Variants in PTPRD observed in about 807,000 individuals in gnomAD.
The protein encoded by PTPRD is receptor-type tyrosine-protein phosphatase delta.
PTPRD carries 34 observed loss-of-function variants against 214.5 expected under a neutral mutation model. That is an observed-to-expected ratio of 0.16 (90% CI 0.12 to 0.21). PTPRD has a LOEUF of 0.21. Ranked by LOEUF, PTPRD falls within the 10% of genes least tolerant of loss-of-function variation. The pLI, the probability that PTPRD is intolerant of heterozygous loss-of-function variation, is 1.00. For missense variants in PTPRD, 2,545 were observed against 2,398.7 expected (o/e 1.06, Z -1.27); for synonymous variants, 1,128 against 845.7 (o/e 1.33, Z -5.79).
intron 2 of PTPRD, among the ~76,000 whole-genome samples, chr9:10,556,032 G>A (rs1475533460): frequency 2.6e-5 from 4 of 152,060 alleles, no homozygotes; most frequent in African/African-American, 7.2e-5. Flanking sequence ...ACAAATTTCA[G>A]TAACAAAATA....
intron 11 of PTPRD, among the ~76,000 whole-genome samples, chr9:8,973,897 C>A (rs10816026): frequency 7.2e-5 from 11 of 151,726 alleles, no homozygotes; most frequent in African/African-American, 2.7e-4. Flanking sequence ...CTTTTGCCCA[C>A]TTTTAATAGG....
At chr9:9,973,469 C>A (rs151212371) in intron 4 of PTPRD, among the ~76,000 whole-genome samples, 4 of 150,828 alleles carry the variant, frequency 2.7e-5, no homozygotes, top group African/African-American at 7.3e-5. Context: ...GAGACCTTGT[C>A]TCAAAAAAAA....
Position 10,503,147 on chromosome 9 carries a change from T to C in PTPRD, c.-600+109251A>G, listed in dbSNP as rs191287619. Among the ~76,000 whole-genome samples the C allele has an allele frequency of 1.3e-4, 17 of 126,618 alleles. No individual in the cohort carries two copies. In the Admixed American group the frequency reaches 1.6e-3, roughly 12 times the overall value. 83.1% of individuals were successfully genotyped at this position (126,618 alleles called of 152,430 possible). A position where few individuals can be genotyped will look rare whatever the true frequency, so the allele number is the denominator to read the frequency against. ...ATTTACAGAATTAAAAGAATGGTTA[T>C]CTGGAGAGTGAACAGTGAAGAATTC... On this transcript the variant is annotated intron_variant, in intron 2 of 45. Transcript: ENST00000381196.
At chr9:9,115,460 A>C (rs1205966268) in intron 10 of PTPRD, among the ~76,000 whole-genome samples, 2 of 152,184 alleles carry the variant, frequency 1.3e-5, no homozygotes, top group Non-Finnish European at 2.9e-5. Context: ...AATGGCTTTT[A>C]CTAAAAAGTA....
At chr9:9,604,666 A>G (rs1445199118) in intron 7 of PTPRD, among the ~76,000 whole-genome samples, 1 of 152,084 alleles carries the variant, frequency 6.6e-6, no homozygotes. Context: ...TGAGTTTTAC[A>G]TAGCTCGTTA....
At chr9:10,075,019 A>G (rs451517) in intron 3 of PTPRD, among the ~76,000 whole-genome samples, 12,008 of 152,178 alleles carry the variant, frequency 0.079, 1,539 homozygotes, top group African/African-American at 0.27. Context: ...TAAAATTTGA[A>G]TAAATCCCAA....
At chr9:8,726,116 T>C (rs188631566) in intron 12 of PTPRD, among the ~76,000 whole-genome samples, 4 of 151,654 alleles carry the variant, frequency 2.6e-5, no homozygotes, top group African/African-American at 7.3e-5. Context: ...AAAAAGAATA[T>C]ACTAAATTTT....
chr9:8,557,305 G>A (rs887328155), intron 14 of PTPRD, among the ~76,000 whole-genome samples: 4 of 151,864 alleles, frequency 2.6e-5, no homozygotes, highest in African/African-American at 9.7e-5. Context: ...CTAGCACAGT[G>A]TCTGATATGC....
At chr9:9,472,555 G>A (rs551696529) in intron 8 of PTPRD, among the ~76,000 whole-genome samples, 4 of 152,224 alleles carry the variant, frequency 2.6e-5, no homozygotes, top group East Asian at 1.9e-4. Context: ...GGGAACCAAC[G>A]TAAGCTGTTC....
chr9:8,449,401 C>A (rs574374035), intron 34 of PTPRD, among the ~76,000 whole-genome samples: 1 of 152,202 alleles, frequency 6.6e-6, no homozygotes, highest in East Asian at 1.9e-4. Context: ...AAACTGAATT[C>A]TTTCCAGAGT....
Position 8,783,595 on chromosome 9 carries a change from C to T in PTPRD, c.-103-49649G>A, listed in dbSNP as rs566610243. Among the ~76,000 whole-genome samples the T allele has an allele frequency of 1.1e-3, 160 of 152,244 alleles. 2 individuals are homozygous for T. Among genetic ancestry groups the T allele is most frequent in the South Asian group, 4.1e-4 (2 of 4,822 alleles). On this transcript the variant is annotated intron_variant, in intron 11 of 45. Transcript: ENST00000381196. ...ATTGTGACAGAAGTAGGAATTTAGTCCCACCATACCCTGGTCATTAGAACA... is the reference window on the plus strand; with the variant it reads ...ATTGTGACAGAAGTAGGAATTTAGTTCCACCATACCCTGGTCATTAGAACA...
chr9:8,806,136 G>C (rs1474706605), intron 11 of PTPRD, among the ~76,000 whole-genome samples: 4 of 151,468 alleles, frequency 2.6e-5, no homozygotes, highest in Non-Finnish European at 4.4e-5. Flanking sequence ...TGTTGGCCAG[G>C]CTGGTCTCGA....
chr9:8,723,226 T>G (rs1264794917), intron 12 of PTPRD, among the ~76,000 whole-genome samples: 2 of 152,142 alleles, frequency 1.3e-5, no homozygotes, highest in African/African-American at 2.4e-5. Context: ...TTCCCCCATC[T>G]GCCTGGATGC....
chr9:9,792,481 G>A (rs2098974849), intron 5 of PTPRD, among the ~76,000 whole-genome samples: 1 of 152,118 alleles, frequency 6.6e-6, no homozygotes, highest in South Asian at 2.1e-4. Flanking sequence ...ATTTTTGTAT[G>A]TGTGAAAATT....
intron 5 of PTPRD, among the ~76,000 whole-genome samples, chr9:9,937,821 A>G (rs986165278): frequency 4.6e-5 from 7 of 152,184 alleles, no homozygotes; most frequent in African/African-American, 1.7e-4. Flanking sequence ...AATAAGCTGT[A>G]TAATACATAT....
chr9:9,175,650 A>AAG (rs2099924360), intron 10 of PTPRD, among the ~76,000 whole-genome samples: 1 of 142,320 alleles, frequency 7.0e-6, no homozygotes, highest in Admixed American at 7.2e-5. Flanking sequence ...AAAAAAAAAA[A>AAG]GAGTTTTAAC....
In PTPRD at chr9:10,476,163, G is replaced by A. The variant is rs188600658; in HGVS notation, c.-599-135146C>T. ...GTGAGGCAGGAGAAAGAAATAAAGG[G>A]TATTCAAATGGGAAAAGAGGAAGTC... On this transcript the variant is annotated intron_variant, in intron 2 of 45. Transcript: ENST00000381196. 1.7e-3 allele frequency among the ~76,000 whole-genome samples: 253 copies of A among 152,166 alleles called. 1 individual carries two copies. The highest frequency in any genetic ancestry group is 5.6e-3 in the African/African-American group (231 of 41,510).
intron 2 of PTPRD, among the ~76,000 whole-genome samples, chr9:10,494,687 T>A (rs921952086): frequency 2.0e-5 from 3 of 150,960 alleles, no homozygotes; most frequent in South Asian, 2.1e-4. Context: ...CTTAAAAAAA[T>A]TTTCTATTAC....
intron 2 of PTPRD, among the ~76,000 whole-genome samples, chr9:10,543,649 T>C (rs2059619992): frequency 6.6e-6 from 1 of 152,266 alleles, no homozygotes; most frequent in Non-Finnish European, 1.5e-5. Flanking sequence ...CAAGATGGGC[T>C]AGTTCCTTTG....
Sources: gnomAD v4.1 joint callset for allele counts (sites outside exome capture counted in the v4.1 genomes callset) on GRCh38, gnomAD v4.1.1 for gene constraint, MANE v1.5 for transcripts, NCBI Gene and HGNC (gene_info 2026-07-23, HGNC 2026-07-21) for gene names.